The following SAMMSON variants were observed in gnomAD, a reference collection of about 807,000 sequenced individuals.
SAMMSON encodes the protein survival associated mitochondrial melanoma specific oncogenic non-coding RNA.
chr3:70,008,982 A>G (rs1342693490), intron 1 of SAMMSON: 2 of 152,164 alleles, frequency 1.3e-5, no homozygotes. Flanking sequence ...CATCCCAGGG[A>G]TGAAGCCCAC....
At chr3:70,405,046 A>G (rs1380856457) in intron 2 of SAMMSON, among the ~76,000 whole-genome samples, 2 of 152,186 alleles carry the variant, frequency 1.3e-5, no homozygotes, top group Non-Finnish European at 2.9e-5. Context: ...TGAAAGAAGA[A>G]CTACCTGATG....
chr3:70,338,782 C>T (rs901065971), intron 7 of SAMMSON, among the ~76,000 whole-genome samples: 1 of 152,112 alleles, frequency 6.6e-6, no homozygotes, highest in Non-Finnish European at 1.5e-5. Flanking sequence ...ACATTCCATG[C>T]TCATGGATAG....
chr3:70,250,608 T>G (rs1391100160), intron 6 of SAMMSON, among the ~76,000 whole-genome samples: 3 of 152,170 alleles, frequency 2.0e-5, no homozygotes, highest in African/African-American at 7.2e-5. Flanking sequence ...TGGCAAAGGT[T>G]TGTTCAGCGA....
chr3:70,292,727 TCA>T (rs200769605), intron 7 of SAMMSON, among the ~76,000 whole-genome samples: 9 of 151,486 alleles, frequency 5.9e-5, no homozygotes, highest in African/African-American at 1.5e-4. Flanking sequence ...AGATCTTTGA[TCA>T]CACACACACA....
intron 4 of SAMMSON, among the ~76,000 whole-genome samples, chr3:70,122,822 T>C (rs1031959994): frequency 6.6e-6 from 1 of 152,242 alleles, no homozygotes; most frequent in African/African-American, 2.4e-5. Flanking sequence ...TGTACTGTAA[T>C]TAATAGCAAT....
downstream of SAMMSON, among the ~76,000 whole-genome samples, chr3:70,394,600 A>G (rs1351998940): frequency 6.6e-6 from 1 of 152,174 alleles, no homozygotes; most frequent in African/African-American, 2.4e-5. Flanking sequence ...CTAGACATGG[A>G]TGGGTAATGG....
At chr3:70,293,617 G>T (rs771279074) in intron 7 of SAMMSON, among the ~76,000 whole-genome samples, 1 of 151,992 alleles carries the variant, frequency 6.6e-6, no homozygotes, top group Non-Finnish European at 1.5e-5. Flanking sequence ...GTGTTAGCTT[G>T]GTTTTTGCCA....
intron 7 of SAMMSON, among the ~76,000 whole-genome samples, chr3:70,317,488 T>C (rs912316277): frequency 6.6e-6 from 1 of 151,940 alleles, no homozygotes; most frequent in Non-Finnish European, 1.5e-5. Flanking sequence ...ACAAACTGTT[T>C]TTTTGTCTAA....
intron 3 of SAMMSON, among the ~76,000 whole-genome samples, chr3:70,047,245 TA>T (rs1238634470): frequency 6.6e-6 from 1 of 151,982 alleles, no homozygotes; most frequent in Non-Finnish European, 1.5e-5. Flanking sequence ...GAATTAAGGA[TA>T]AAACTATTGC....
At chr3:70,032,193 G>A (rs1007088272) in intron 3 of SAMMSON, among the ~76,000 whole-genome samples, 1 of 152,116 alleles carries the variant, frequency 6.6e-6, no homozygotes, top group African/African-American at 2.4e-5. Flanking sequence ...ACATTTCTAG[G>A]CTGCCCTCTG....
chr3:70,107,178 T>C (rs947727178), intron 4 of SAMMSON, among the ~76,000 whole-genome samples: 2 of 152,198 alleles, frequency 1.3e-5, no homozygotes, highest in Non-Finnish European at 2.9e-5. Context: ...TTAAATGTTA[T>C]TTGGATTCAA....
chr3:70,232,634 G>A (rs1000024803), intron 4 of SAMMSON, among the ~76,000 whole-genome samples: 8 of 151,946 alleles, frequency 5.3e-5, no homozygotes, highest in Non-Finnish European at 7.4e-5. Flanking sequence ...TCCTGAGCTC[G>A]TGATCCGCCC....
intron 6 of SAMMSON, among the ~76,000 whole-genome samples, chr3:70,263,779 G>A (rs1302070784): frequency 1.3e-5 from 2 of 152,000 alleles, no homozygotes; most frequent in Admixed American, 1.3e-4. Context: ...CAGTAACACT[G>A]TCTGGCTCCA....
intron 7 of SAMMSON, among the ~76,000 whole-genome samples, chr3:70,336,865 G>C (rs886240941): frequency 1.1e-4 from 16 of 144,450 alleles, no homozygotes; most frequent in African/African-American, 3.7e-4. Context: ...TGTGGAGAGA[G>C]AGAGAGGGAG....
At chr3:70,321,026 C>T (rs1194213547) in intron 7 of SAMMSON, among the ~76,000 whole-genome samples, 1 of 151,824 alleles carries the variant, frequency 6.6e-6, no homozygotes, top group Non-Finnish European at 1.5e-5. Flanking sequence ...TCAGAAACAC[C>T]CAGTAAAGGC....
chr3:70,319,950 C>A (rs1702524884), intron 7 of SAMMSON, among the ~76,000 whole-genome samples: 2 of 151,928 alleles, frequency 1.3e-5, no homozygotes, highest in East Asian at 1.9e-4. Context: ...GTCGAGTTTC[C>A]TAGAAATACA....
intron 4 of SAMMSON, among the ~76,000 whole-genome samples, chr3:70,110,250 G>T (rs2067383162): frequency 6.6e-6 from 1 of 152,170 alleles, no homozygotes; most frequent in Non-Finnish European, 1.5e-5. Context: ...TGATTTTTCA[G>T]CACCAGCTAT....
At chr3:70,295,315 C>A (rs1702278818) in intron 7 of SAMMSON, among the ~76,000 whole-genome samples, 1 of 152,064 alleles carries the variant, frequency 6.6e-6, no homozygotes, top group Non-Finnish European at 1.5e-5. Flanking sequence ...AGCAATTGAC[C>A]AAGATTAACA....
At chr3:70,048,512 A>G (rs1235612340) in intron 3 of SAMMSON, among the ~76,000 whole-genome samples, 6 of 152,084 alleles carry the variant, frequency 3.9e-5, no homozygotes, top group Non-Finnish European at 8.8e-5. Flanking sequence ...GCTTGACTCT[A>G]TTTTTGATGA....
Sources: gnomAD v4.1 joint callset for allele counts (sites outside exome capture counted in the v4.1 genomes callset) on GRCh38, gnomAD v4.1.1 for gene constraint, MANE v1.5 for transcripts, NCBI Gene and HGNC (gene_info 2026-07-23, HGNC 2026-07-21) for gene names.